UBR4: variants seen among roughly 807,000 people sequenced by gnomAD.
The protein encoded by UBR4 is E3 ubiquitin-protein ligase UBR4.
Under a neutral mutation model 575.6 loss-of-function variants are expected in UBR4, and 124 were observed. That is an observed-to-expected ratio of 0.22 (90% CI 0.19 to 0.25). UBR4 has a LOEUF of 0.25. UBR4 is among the 10% of genes least tolerant of loss of function. The pLI is 1.00. For missense variants in UBR4, 4,818 were observed against 6,478.8 expected, an observed-to-expected ratio of 0.74 and a Z score of 8.80; for synonymous variants, 2,455 against 2,473.7, an observed-to-expected ratio of 0.99 and a Z score of 0.22.
intron 84 of UBR4, 147 bp downstream of exon 84, chr1:19,105,586 A>C (rs1340189732): frequency 4.8e-6 from 3 of 625,508 alleles, no homozygotes; most frequent in Admixed American, 7.3e-5. Context: ...CCATCACTAA[A>C]AGTCAGCTTT....
At chr1:19,092,779 G>T in intron 97 of UBR4, 40 bp downstream of exon 97, 1 of 1,517,480 alleles carries the variant, frequency 6.6e-7, no homozygotes, top group Non-Finnish European at 9.0e-7. Flanking sequence ...AGTTATACTT[G>T]TACCCCTGTA....
At chr1:19,178,559 GA>G (rs1240935817) in intron 18 of UBR4, among the ~76,000 whole-genome samples, 1 of 152,130 alleles carries the variant, frequency 6.6e-6, no homozygotes, top group Non-Finnish European at 1.5e-5. Context: ...AGCCTTTTAG[GA>G]AAACAAACTG....
rs370684041 is a variant in UBR4 at position 19,141,530 on chromosome 1, G to A, written c.8311-6C>T. The A allele has an allele frequency of 2.9e-5, 46 of 1,602,508 alleles. No homozygotes were observed. The highest frequency in any genetic ancestry group is 3.7e-5 in the Non-Finnish European group (44 of 1,174,252). On this transcript the variant is annotated splice_region_variant and splice_polypyrimidine_tract_variant and intron_variant, in intron 56 of 105. Coordinates refer to ENST00000375254, the MANE Select transcript of UBR4 (RefSeq NM_020765.3). Reference sequence around the variant, plus strand: ...TCCAGGACCATCGACTCAGACTGCAGAGAGAAAGCTCTGTCAGTGTCCCAT... The same window carrying A: ...TCCAGGACCATCGACTCAGACTGCAAAGAGAAAGCTCTGTCAGTGTCCCAT...
intron 36 of UBR4, 32 bp downstream of exon 36, chr1:19,161,795 A>C: frequency 1.9e-6 from 3 of 1,614,136 alleles, no homozygotes. Flanking sequence ...GTGCCCAGCA[A>C]ATCTTCACCT....
In UBR4 at chr1:19,170,851, C is replaced by A. The variant is rs2089423116; in HGVS notation, c.3554G>T (p.Gly1185Val). 1.2e-6 allele frequency: 2 copies of A among 1,614,010 alleles called. No homozygotes were observed. Among genetic ancestry groups the A allele is most frequent in the African/African-American group, 1.3e-5 (1 of 74,898 alleles). ...AYLLQNFNEE[G>V]TTEKPSKEKL... ...CTCCTTGGAAGGTTTCTCAGTTGTT[C>A]CCTCTTCATTAAAGTTTTGCAGCAA... is the stretch of plus-strand genomic sequence containing the variant. Residue 1185 changes from glycine (G) to valine (V), a missense_variant, in exon 26 of 106, where the codon GGA (glycine) becomes GTA (valine). By Grantham distance (109) the Gly-to-Val change is moderately radical. Around this residue, in one of 29 missense-constraint regions of UBR4, gnomAD observed 1,172 missense variants for 1,259.7 expected, o/e 0.93. Transcript: ENST00000375254.
chr1:19,103,597 A>C lies in UBR4; in HGVS notation c.12901+487T>G, dbSNP rs142422982. ...TGAAAAATAAAAAAGAGACCATAAA[A>C]TCTAGAACCACAAGAATTCAACAGG... On this transcript the variant is annotated intron_variant, in intron 87 of 105. Transcript: ENST00000375254. 5.5e-3 allele frequency among the ~76,000 whole-genome samples: 842 copies of C among 152,360 alleles called. 4 individuals carry two copies. The highest frequency in any genetic ancestry group is 8.9e-3 in the Non-Finnish European group (608 of 68,036).
Position 19,137,680 on chromosome 1 carries a change from T to C in UBR4, c.8906+327A>G, listed in dbSNP as rs72961935. 3.7e-3 allele frequency among the ~76,000 whole-genome samples: 564 copies of C among 152,318 alleles called. 6 individuals carry two copies. The highest frequency in any genetic ancestry group is 0.013 in the African/African-American group (544 of 41,564). ...CCATTTGTAAAGAGGATGCCATATA[T>C]TGAGTGTACAGATATTGATGAAACT... On this transcript the variant is annotated intron_variant, in intron 60 of 105. Transcript: ENST00000375254.
intron 3 of UBR4, 36 bp from the exon 4 acceptor site, chr1:19,198,964 A>G (rs775632200): frequency 1.2e-6 from 2 of 1,604,056 alleles, no homozygotes; most frequent in East Asian, 4.5e-5. Flanking sequence ...AAGAAAACAA[A>G]AACAAATAGA....
At position 19,146,771 on chromosome 1, in the gene UBR4, G is replaced by A. The variant is rs375240435; in HGVS notation, c.7804+55C>T. The A allele has an allele frequency of 3.2e-6, 5 of 1,566,470 alleles. No homozygotes were observed. The African/African-American group carries it at 5.4e-5, about 17-fold the overall frequency. The stretch of plus-strand genomic sequence containing the variant: ...CAGTAAGAACAGTAAGAATGAGAGG[G>A]TAAATAGGCATATGAAGCAGATCTC... On this transcript the variant is annotated intron_variant, in intron 52 of 105. Coordinates refer to ENST00000375254, the MANE Select transcript of UBR4 (RefSeq NM_020765.3).
intron 74 of UBR4, 58 bp from the exon 75 acceptor site, chr1:19,115,007 ACT>A: frequency 6.2e-7 from 1 of 1,606,744 alleles, no homozygotes; most frequent in Non-Finnish European, 8.5e-7. Flanking sequence ...GGTGGGGGTC[ACT>A]CTGAGGAAAT....
chr1:19,165,582 A>G (rs2088203458), intron 30 of UBR4, 74 bp downstream of exon 30: 1 of 1,470,540 alleles, frequency 6.8e-7, no homozygotes. Context: ...AAGTACCTAA[A>G]TCAACATATA....
At chr1:19,195,501 TACTG>T (rs1408969602) in intron 8 of UBR4, among the ~76,000 whole-genome samples, 2 of 152,136 alleles carry the variant, frequency 1.3e-5, no homozygotes, top group Non-Finnish European at 2.9e-5. Flanking sequence ...TTTAATCACT[TACTG>T]ACTGAGTACA....
chr1:19,143,270 GAA>G (rs1557763042), intron 55 of UBR4, among the ~76,000 whole-genome samples: 1 of 65,190 alleles, frequency 1.5e-5, no homozygotes, highest in Admixed American at 1.7e-4. Context: ...AAGAAAGAAA[GAA>G]AGAAAGAAAG....
intron 97 of UBR4, among the ~76,000 whole-genome samples, chr1:19,090,952 C>G (rs2077447568): frequency 6.6e-6 from 1 of 151,964 alleles, no homozygotes. Context: ...AAAAATTGGC[C>G]AGGTGTGGTG....
At chr1:19,102,705 C>G (rs2078768120) in intron 87 of UBR4, among the ~76,000 whole-genome samples, 2 of 152,156 alleles carry the variant, frequency 1.3e-5, no homozygotes, top group Admixed American at 1.3e-4. Flanking sequence ...CCATGCCCTG[C>G]CCAGATTTGA....
At chr1:19,128,174 A>T in intron 62 of UBR4, 37 bp downstream of exon 62, 1 of 1,586,972 alleles carries the variant, frequency 6.3e-7, no homozygotes, top group South Asian at 1.1e-5. Flanking sequence ...ATCTCAGCCA[A>T]TCCTGTTTCT....
chr1:19,200,636 AAATG>A (rs2092703533), intron 2 of UBR4, among the ~76,000 whole-genome samples: 1 of 152,126 alleles, frequency 6.6e-6, no homozygotes, highest in Non-Finnish European at 1.5e-5. Context: ...ATAAATAAAT[AAATG>A]GATAAAAATT....
At chr1:19,130,467 G>T (rs1229844371) in intron 60 of UBR4, among the ~76,000 whole-genome samples, 2 of 152,220 alleles carry the variant, frequency 1.3e-5, no homozygotes. Context: ...AGTGAGCCAT[G>T]ATCATGCCAC....
Position 19,167,044 on chromosome 1 carries a change from C to T in UBR4, c.4087G>A (p.Ala1363Thr). Residue 1363 changes from alanine (A) to threonine (T), a missense_variant, in exon 29 of 106, where the codon GCC becomes ACC. Coordinates refer to ENST00000375254, the MANE Select transcript of UBR4 (RefSeq NM_020765.3). ...KLITGCYNILANHADPNSGLD... is the reference protein window; with the variant it reads ...KLITGCYNILTNHADPNSGLD... ...CACCTGTTAGGATCTGCATGATTGG[C>T]CAGAATGTTGTAACAACCAGTGATC... The T allele has an allele frequency of 6.2e-7, 1 of 1,614,190 alleles. No homozygotes were observed. Among genetic ancestry groups the T allele is most frequent in the Non-Finnish European group, 8.5e-7 (1 of 1,180,016 alleles).
Sources: allele counts gnomAD v4.1 joint callset (sites outside exome capture counted in the v4.1 genomes callset), GRCh38; gene constraint gnomAD v4.1.1; regional missense constraint gnomAD v4.1.1; transcripts MANE v1.5; gene names NCBI Gene and HGNC (gene_info 2026-07-23, HGNC 2026-07-21).